The following ARSB variants were observed in gnomAD, a reference collection of about 807,000 sequenced individuals.
ARSB encodes the protein N-acetylgalactosamine-4-sulfatase.
ARSB carries 41 observed loss-of-function variants against 50.9 expected under a neutral mutation model. The observed-to-expected ratio is 0.81, with a 90% CI of 0.63 to 1.04. The LOEUF (loss-of-function observed/expected upper bound fraction) is 1.04, where lower values mean the gene tolerates loss of function less well. Ranked by LOEUF, ARSB falls within the 50% of genes least tolerant of loss-of-function variation. The pLI is 0.00. For missense variants in ARSB, 672 were observed against 693.3 expected (o/e 0.97, Z 0.35); for synonymous variants, 269 against 284.8 (o/e 0.94, Z 0.56).
chr5:78,845,102 T>C (rs189827560), intron 5 of ARSB, among the ~76,000 whole-genome samples: 1 of 152,212 alleles, frequency 6.6e-6, no homozygotes, highest in Admixed American at 6.5e-5. Flanking sequence ...GATCAACGTT[T>C]TTTAGCTTCC....
At chr5:78,840,412 G>A (rs1745151085) in intron 5 of ARSB, among the ~76,000 whole-genome samples, 1 of 152,158 alleles carries the variant, frequency 6.6e-6, no homozygotes, top group African/African-American at 2.4e-5. Context: ...ACAGTTAGCT[G>A]TTGATAGCAG....
At chr5:78,802,949 G>A (rs183956485) in intron 6 of ARSB, among the ~76,000 whole-genome samples, 3 of 152,290 alleles carry the variant, frequency 2.0e-5, no homozygotes, top group Middle Eastern at 3.4e-3. Flanking sequence ...GTCTCATAAT[G>A]GACTTAAATG....
At position 78,778,008 on chromosome 5, in the gene ARSB, G is replaced by C. The variant is rs896708004; in HGVS notation, c.*2389C>G. The C allele has an allele frequency of 6.6e-6, 1 of 152,006 alleles. No homozygotes were observed. The highest frequency in any genetic ancestry group is 2.4e-5 in the African/African-American group (1 of 41,348). 9.4% of individuals were successfully genotyped at this position (152,006 alleles called of 1,614,324 possible). A position where few individuals can be genotyped will look rare whatever the true frequency, so the allele number is the denominator to read the frequency against. On this transcript the variant is annotated 3_prime_UTR_variant, in exon 8 of 8. Coordinates refer to ENST00000264914, the MANE Select transcript of ARSB (RefSeq NM_000046.5). ...AAGTACTTGTTTTACAAAAAATTAA[G>C]TCTTCAAAACTCTTTTGAAGTCCAC... is the stretch of plus-strand genomic sequence containing the variant.
chr5:78,971,139 C>T (rs1005892050), intron 1 of ARSB, among the ~76,000 whole-genome samples: 9 of 152,198 alleles, frequency 5.9e-5, no homozygotes, highest in Non-Finnish European at 1.0e-4. Context: ...TCAAAAGGCC[C>T]GCCCAGAACC....
At chr5:78,861,824 T>C (rs1036696241) in intron 5 of ARSB, among the ~76,000 whole-genome samples, 1 of 152,124 alleles carries the variant, frequency 6.6e-6, no homozygotes, top group African/African-American at 2.4e-5. Flanking sequence ...AGTCAAATTG[T>C]CCCTGTTTGC....
chr5:78,866,883 T>C (rs998691479), intron 5 of ARSB, among the ~76,000 whole-genome samples: 1 of 152,224 alleles, frequency 6.6e-6, no homozygotes, highest in African/African-American at 2.4e-5. Flanking sequence ...AGACGGGTGA[T>C]TTCTGCATTT....
chr5:78,964,973 A>G (rs1752145327), intron 2 of ARSB, among the ~76,000 whole-genome samples: 1 of 152,208 alleles, frequency 6.6e-6, no homozygotes, highest in South Asian at 2.1e-4. Flanking sequence ...TTTTTACTCT[A>G]AGGTGATCAC....
intron 4 of ARSB, among the ~76,000 whole-genome samples, chr5:78,951,366 CT>C (rs1751488693): frequency 6.6e-6 from 1 of 151,932 alleles, no homozygotes; most frequent in Admixed American, 6.6e-5. Context: ...GAAAAGGGTA[CT>C]GATTGAAACA....
chr5:78,939,343 C>T (rs949900531), intron 4 of ARSB, among the ~76,000 whole-genome samples: 1 of 151,442 alleles, frequency 6.6e-6, no homozygotes, highest in Non-Finnish European at 1.5e-5. Flanking sequence ...AGGTTTGTTA[C>T]ATATGTATAC....
intron 5 of ARSB, among the ~76,000 whole-genome samples, chr5:78,875,232 T>C (rs1747431191): frequency 6.6e-6 from 1 of 151,930 alleles, no homozygotes; most frequent in Non-Finnish European, 1.5e-5. Context: ...AACCCAAAAT[T>C]TGGAAACTTA....
intron 2 of ARSB, 58 bp from the exon 3 acceptor site, chr5:78,964,664 AT>A: frequency 6.6e-7 from 1 of 1,513,236 alleles, no homozygotes; most frequent in Non-Finnish European, 9.1e-7. Flanking sequence ...AAACAAACTA[AT>A]GTTTCAGCAT....
chr5:78,784,577 G>A (rs569566225), intron 6 of ARSB, among the ~76,000 whole-genome samples: 1 of 152,268 alleles, frequency 6.6e-6, no homozygotes, highest in African/African-American at 2.4e-5. Context: ...TCCTGAGCAG[G>A]TATAGGACCA....
At chr5:78,929,746 T>A (rs1159055419) in intron 4 of ARSB, among the ~76,000 whole-genome samples, 1 of 141,246 alleles carries the variant, frequency 7.1e-6, no homozygotes, top group Non-Finnish European at 1.5e-5. Context: ...TCAGCCGAGA[T>A]CGCGCCACTG....
At chr5:78,798,328 G>A (rs570463685) in intron 6 of ARSB, among the ~76,000 whole-genome samples, 3 of 147,836 alleles carry the variant, frequency 2.0e-5, no homozygotes, top group African/African-American at 7.5e-5. Context: ...CTAAATACAC[G>A]TTTTTTTAAG....
chr5:78,897,270 T>C (rs763613571), intron 4 of ARSB, among the ~76,000 whole-genome samples: 5 of 152,180 alleles, frequency 3.3e-5, no homozygotes, highest in African/African-American at 4.8e-5. Flanking sequence ...TTCCTCACTG[T>C]GTGGGGTTAT....
chr5:78,861,292 T>G (rs528037712), intron 5 of ARSB, among the ~76,000 whole-genome samples: 81 of 152,246 alleles, frequency 5.3e-4, no homozygotes, highest in African/African-American at 1.7e-3. Context: ...TACCAAAGCC[T>G]GGCAGAGACA....
chr5:78,839,300 A>G (rs1745085752), intron 6 of ARSB, 56 bp downstream of exon 6: 1 of 1,542,154 alleles, frequency 6.5e-7, no homozygotes, highest in Middle Eastern at 1.7e-4. Context: ...CTAGGTAATC[A>G]AACCATCTTG....
chr5:78,782,448 AT>A (rs1419918633), intron 6 of ARSB, among the ~76,000 whole-genome samples: 2 of 152,248 alleles, frequency 1.3e-5, no homozygotes, highest in African/African-American at 2.4e-5. Context: ...ACAAAGACTT[AT>A]TTTTTAACAA....
At chr5:78,808,064 G>A (rs1383126676) in intron 6 of ARSB, among the ~76,000 whole-genome samples, 1 of 112,574 alleles carries the variant, frequency 8.9e-6, no homozygotes, top group African/African-American at 3.8e-5. Flanking sequence ...CTGCACTCCA[G>A]CCTGGGCGAC....
Sources: gnomAD v4.1 joint callset for allele counts (sites outside exome capture counted in the v4.1 genomes callset) on GRCh38, gnomAD v4.1.1 for gene constraint, MANE v1.5 for transcripts, NCBI Gene and HGNC (gene_info 2026-07-23, HGNC 2026-07-21) for gene names.